CCT2: variants seen among roughly 807,000 people sequenced by gnomAD.
The protein encoded by CCT2 is chaperonin containing TCP1 subunit 2, also known as T-complex protein 1 subunit beta.
Under a neutral mutation model 61.8 loss-of-function variants are expected in CCT2, and 18 were observed. That is an observed-to-expected ratio of 0.29 (90% CI 0.20 to 0.43). The LOEUF (loss-of-function observed/expected upper bound fraction) is 0.43. Among genes scored for constraint, CCT2 ranks in the 20% least tolerant of loss-of-function variants. CCT2 has a pLI of 1.00. For synonymous variants in CCT2, 248 were observed against 215.9 expected (o/e 1.15, Z -1.30); for missense variants, 556 against 656.9 (o/e 0.85, Z 1.68).
intron 10 of CCT2, among the ~76,000 whole-genome samples, chr12:69,594,191 G>A (rs1194921924): frequency 2.0e-5 from 3 of 151,478 alleles, no homozygotes; most frequent in Non-Finnish European, 2.9e-5. Flanking sequence ...TAAGACCGTT[G>A]TTAAAATCTG....
chr12:69,587,489 A>G lies in CCT2; in HGVS notation c.145-16A>G, dbSNP rs758725500. Reference sequence around the variant, plus strand: ...TGTGCTTATGTCTTAACTTGAACCAATTATGTTCCCTTTAGGACAAAATTC... The same window carrying G: ...TGTGCTTATGTCTTAACTTGAACCAGTTATGTTCCCTTTAGGACAAAATTC... On this transcript the variant is annotated splice_polypyrimidine_tract_variant and intron_variant, in intron 3 of 15. Coordinates refer to ENST00000299300, the MANE Select transcript of CCT2 (RefSeq NM_006431.3). 3 of 1,482,504 alleles carry G rather than the reference A, an allele frequency of 2.0e-6. No individual in the cohort carries two copies. The highest frequency in any genetic ancestry group is 1.4e-5 in the African/African-American group (1 of 72,360). 91.8% of individuals were successfully genotyped at this position (1,482,504 alleles called of 1,614,324 possible).
Position 69,587,936 on chromosome 12 carries a change from C to A in CCT2, c.263C>A (p.Ser88Ter). 2 of 1,611,072 alleles carry A rather than the reference C, an allele frequency of 1.2e-6. No homozygotes were observed. Among genetic ancestry groups the A allele is most frequent in the South Asian group, 2.2e-5 (2 of 90,900 alleles). ...AACTAATTTCTTTTTCTAGATATGT[C>A]AAGGGTTCAAGATGATGAAGTTGGT... ...NPAAKVLVDM[S>*]RVQDDEVGDG... is the part of the protein sequence containing the mutation. The change falls in exon 5 of 16, where the codon TCA becomes TAA. Residue 88 changes from serine to a stop codon, truncating the protein, a stop_gained. Coordinates refer to ENST00000299300, the MANE Select transcript of CCT2 (RefSeq NM_006431.3). LOFTEE classifies it high-confidence loss of function.
chr12:69,591,068 A>C (rs1881822012), intron 7 of CCT2, among the ~76,000 whole-genome samples: 1 of 152,114 alleles, frequency 6.6e-6, no homozygotes, highest in South Asian at 2.1e-4. Flanking sequence ...GAGCATTAAA[A>C]CAAGAATATT....
chr12:69,593,465 T>G (rs768928958), intron 9 of CCT2, 45 bp from the exon 10 acceptor site: 2 of 1,262,356 alleles, frequency 1.6e-6, no homozygotes, highest in East Asian at 4.7e-5. Flanking sequence ...GTAGTTTATC[T>G]TGTAACAGTT....
intron 3 of CCT2, 67 bp from the exon 4 acceptor site, chr12:69,587,438 C>T: frequency 1.1e-6 from 1 of 885,666 alleles, no homozygotes. Context: ...TGTGAGAATA[C>T]TGATTGATCC....
chr12:69,594,846 T>TAA (rs67999092), intron 10 of CCT2, among the ~76,000 whole-genome samples: 24 of 140,296 alleles, frequency 1.7e-4, no homozygotes, highest in African/African-American at 5.4e-4. Context: ...ACCCTGTCTT[T>TAA]AAAAAAAAAA....
At chr12:69,586,918 G>A (rs980852527) in intron 3 of CCT2, 100 bp downstream of exon 3, 3 of 720,114 alleles carry the variant, frequency 4.2e-6, no homozygotes, top group Non-Finnish European at 2.2e-6. Flanking sequence ...TCTTTAAAAC[G>A]TTTAATTATA....
intron 7 of CCT2, 59 bp downstream of exon 7, chr12:69,589,746 G>A (rs1881778559): frequency 7.4e-7 from 1 of 1,355,628 alleles, no homozygotes; most frequent in Non-Finnish European, 1.0e-6. Context: ...TGAATACTGA[G>A]TGAATTCTGT....
chr12:69,585,713 AG>A, intron 1 of CCT2, 189 bp downstream of exon 1: 2 of 1,467,974 alleles, frequency 1.4e-6, no homozygotes, highest in East Asian at 2.5e-5. Flanking sequence ...CACGAGGGGG[AG>A]GGGTGGACCG....
chr12:69,585,791 C>T (rs901253424), intron 1 of CCT2: 14 of 1,373,638 alleles, frequency 1.0e-5, no homozygotes, highest in East Asian at 2.7e-5. Context: ...GCGCCTCACC[C>T]GGAGCGAAGA....
At chr12:69,601,195 T>C (rs1882136947) in intron 15 of CCT2, 100 bp from the exon 16 acceptor site, 8 of 986,342 alleles carry the variant, frequency 8.1e-6, no homozygotes, top group Non-Finnish European at 1.1e-5. Context: ...GTTATAACAG[T>C]TTTAATACAG....
chr12:69,590,739 C>T (rs59703063), intron 7 of CCT2, among the ~76,000 whole-genome samples: 2,066 of 129,960 alleles, frequency 0.016, 48 homozygotes, highest in African/African-American at 0.058. Context: ...TTTTTTGAGA[C>T]GGAGTCTGGC....
chr12:69,585,538 C>A lies in CCT2; in HGVS notation c.3+14C>A. ...CTCGGAACCATGGTGAGCCTGACTC[C>A]CCTGCCTCTTGCCCTACCCCTGCTC... is the stretch of plus-strand genomic sequence containing the variant. On this transcript the variant is annotated intron_variant, in intron 1 of 15. Coordinates refer to ENST00000299300, the MANE Select transcript of CCT2 (RefSeq NM_006431.3). 1 of 1,571,732 alleles carries A rather than the reference C, an allele frequency of 6.4e-7. No individual in the cohort carries two copies. The highest frequency in any genetic ancestry group is 1.9e-5 in the Admixed American group (1 of 53,862).
chr12:69,595,643 GGCGCCACTGCACTCCAGCCTGGGTGA>G (rs1209084807), intron 10 of CCT2, among the ~76,000 whole-genome samples: 2 of 149,652 alleles, frequency 1.3e-5, no homozygotes, highest in East Asian at 4.0e-4. Context: ...AGCTGAGATT[GGCGCCACTGCACTCCAGCCTGGGTGA>G]CAGAGCGAGA....
At chr12:69,586,871 G>A in intron 3 of CCT2, 53 bp downstream of exon 3, 2 of 1,056,668 alleles carry the variant, frequency 1.9e-6, no homozygotes, top group Non-Finnish European at 2.8e-6. Flanking sequence ...AGCGCTTGGT[G>A]GAAATATAAT....
chr12:69,585,765 C>T, intron 1 of CCT2: 2 of 1,414,174 alleles, frequency 1.4e-6, no homozygotes, highest in South Asian at 1.5e-5. Context: ...TTGCATAGTC[C>T]CGGCAGCCCA....
chr12:69,586,580 A>G (rs1415141054), intron 2 of CCT2, among the ~76,000 whole-genome samples, 173 bp from the exon 3 acceptor site: 4 of 151,892 alleles, frequency 2.6e-5, no homozygotes, highest in African/African-American at 9.7e-5. Context: ...AGGCAGGAGG[A>G]TCGCTTGAAC....
intron 3 of CCT2, 30 bp from the exon 4 acceptor site, chr12:69,587,475 C>G: frequency 2.3e-6 from 3 of 1,306,346 alleles, no homozygotes; most frequent in Non-Finnish European, 3.3e-6. Flanking sequence ...GTGCTTATGT[C>G]TTAACTTGAA....
At chr12:69,594,903 A>AT (rs1439457795) in intron 10 of CCT2, among the ~76,000 whole-genome samples, 2 of 152,130 alleles carry the variant, frequency 1.3e-5, no homozygotes, top group African/African-American at 4.8e-5. Flanking sequence ...TGGTTTAAAA[A>AT]TTATTGTTTA....
Sources: allele counts gnomAD v4.1 joint callset (sites outside exome capture counted in the v4.1 genomes callset), GRCh38; gene constraint gnomAD v4.1.1; transcripts MANE v1.5; gene names NCBI Gene and HGNC (gene_info 2026-07-23, HGNC 2026-07-21).